The following SESN1 variants were observed in gnomAD, a reference collection of about 807,000 sequenced individuals.
The protein encoded by SESN1 is sestrin-1.
Under a neutral mutation model 59.3 loss-of-function variants are expected in SESN1, and 30 were observed. That is an observed-to-expected ratio of 0.51 (90% confidence interval 0.38 to 0.69). The LOEUF is 0.69. SESN1 is among the 30% of genes least tolerant of loss of function. The pLI is 0.00. For missense variants in SESN1, 566 were observed against 673.0 expected, an observed-to-expected ratio of 0.84 and a Z score of 1.76; for synonymous variants, 197 against 219.9, an observed-to-expected ratio of 0.90 and a Z score of 0.92.
chr6:109,077,215 A>G lies in SESN1; in HGVS notation c.279+16580T>C, dbSNP rs141676638. Among the ~76,000 whole-genome samples the G allele has an allele frequency of 2.5e-3, 377 of 152,354 alleles. 2 individuals are homozygous for G. Among genetic ancestry groups the G allele is most frequent in the African/African-American group, 8.4e-3 (350 of 41,586 alleles). On this transcript the variant is annotated intron_variant, in intron 1 of 9. Coordinates refer to ENST00000436639, the MANE Select transcript of SESN1 (RefSeq NM_014454.3). ...TGTACTGTATCACCCTACATTTCACATACTTTTTCCCCATTGATTTTGTTT... is the reference window on the plus strand; with the variant it reads ...TGTACTGTATCACCCTACATTTCACGTACTTTTTCCCCATTGATTTTGTTT...
chr6:109,092,002 T>C (rs1781323181), intron 1 of SESN1, among the ~76,000 whole-genome samples: 1 of 152,230 alleles, frequency 6.6e-6, no homozygotes, highest in Non-Finnish European at 1.5e-5. Context: ...CACAAAAGCA[T>C]GTGCTTATAA....
At chr6:109,064,720 A>AAGGG (rs1218787385) in intron 1 of SESN1, among the ~76,000 whole-genome samples, 2 of 73,780 alleles carry the variant, frequency 2.7e-5, no homozygotes, top group African/African-American at 5.6e-5. Flanking sequence ...TGAAGGAAGG[A>AAGGG]AGGGAGGGAG....
intron 2 of SESN1, 101 bp from the exon 3 acceptor site, chr6:109,001,589 T>C: frequency 1.9e-6 from 2 of 1,042,910 alleles, no homozygotes; most frequent in Non-Finnish European, 2.8e-6. Context: ...AGAAGCAGAT[T>C]AAATCTGGCT....
intron 1 of SESN1, among the ~76,000 whole-genome samples, chr6:109,064,035 T>G (rs1218805954): frequency 1.3e-5 from 2 of 152,228 alleles, no homozygotes; most frequent in Non-Finnish European, 2.9e-5. Context: ...TATACAATTT[T>G]GGATCTAAAG....
intron 1 of SESN1, among the ~76,000 whole-genome samples, chr6:109,090,194 C>T (rs942255727): frequency 1.2e-4 from 18 of 152,192 alleles, no homozygotes; most frequent in Non-Finnish European, 2.1e-4. Context: ...GCATAATGCT[C>T]ATTTTGCAGA....
In SESN1 at chr6:109,000,482, A is replaced by G. The variant is rs535865033; in HGVS notation, c.729+9T>C. On this transcript the variant is annotated intron_variant, in intron 4 of 9. Transcript: ENST00000436639. ...AATGACTCCCAAGATATATTACCCC[A>G]CTGCTTACCTCAATGTGTTCTTTGG... 1.3e-6 allele frequency: 2 copies of G among 1,520,726 alleles called. No homozygotes were observed. The highest frequency in any genetic ancestry group is 2.7e-5 in the South Asian group (2 of 72,870). The allele number at this position is 1,520,726 out of a possible 1,614,324, so 94.2% of individuals were successfully genotyped here. A position where few individuals can be genotyped will look rare whatever the true frequency, so the allele number is the denominator to read the frequency against.
intron 1 of SESN1, among the ~76,000 whole-genome samples, chr6:109,071,504 G>A (rs963766206): frequency 6.6e-6 from 1 of 151,946 alleles, no homozygotes; most frequent in Admixed American, 6.6e-5. Flanking sequence ...AGGCAGAATC[G>A]GGATATGGAC....
rs573710917 is a variant in SESN1 at position 109,053,778 on chromosome 6, G to A, written c.279+40017C>T. Among the ~76,000 whole-genome samples the A allele has an allele frequency of 1.2e-4, 18 of 152,240 alleles. No homozygotes were observed. The South Asian group carries it at 2.5e-3, about 21-fold the overall frequency. The stretch of plus-strand genomic sequence containing the variant: ...CTCATGAAACAAGAACTAGAAGGAC[G>A]AACACTCGCTCAGTTTTGAAAATAT... On this transcript the variant is annotated intron_variant, in intron 1 of 9. Coordinates refer to ENST00000436639, the MANE Select transcript of SESN1 (RefSeq NM_014454.3).
chr6:109,034,691 T>C (rs1450079265), intron 1 of SESN1, among the ~76,000 whole-genome samples: 1 of 152,190 alleles, frequency 6.6e-6, no homozygotes, highest in Admixed American at 6.5e-5. Context: ...GGAGTGTGCA[T>C]AGTGAATGTC....
intron 4 of SESN1, 90 bp from the exon 5 acceptor site, chr6:108,998,845 T>G: frequency 7.1e-7 from 1 of 1,399,558 alleles, no homozygotes; most frequent in Non-Finnish European, 9.6e-7. Context: ...ATTGAAAACA[T>G]GAGTCATCAT....
chr6:109,058,327 C>T (rs959970829), intron 1 of SESN1, among the ~76,000 whole-genome samples: 9 of 152,180 alleles, frequency 5.9e-5, no homozygotes, highest in Non-Finnish European at 1.0e-4. Context: ...AAATAATTAC[C>T]ATTGTGTTAC....
At chr6:109,006,420 GTATA>G (rs535757705) in intron 1 of SESN1, among the ~76,000 whole-genome samples, 74 of 151,746 alleles carry the variant, frequency 4.9e-4, no homozygotes, top group African/African-American at 1.5e-3. Flanking sequence ...TTTACATTAG[GTATA>G]TCTCCTAATG....
chr6:109,087,952 TGG>T (rs938979261), intron 1 of SESN1: 5 of 118,906 alleles, frequency 4.2e-5, no homozygotes, highest in African/African-American at 1.6e-4. Context: ...GTTCAAGTGA[TGG>T]GGGGGCAGGG....
At chr6:109,064,764 G>A (rs1655289018) in intron 1 of SESN1, among the ~76,000 whole-genome samples, 1 of 151,386 alleles carries the variant, frequency 6.6e-6, no homozygotes, top group Admixed American at 6.6e-5. Context: ...AGTATATGAA[G>A]TATAAACAAG....
intron 1 of SESN1, among the ~76,000 whole-genome samples, chr6:109,072,048 T>G (rs923618947): frequency 6.6e-6 from 1 of 152,232 alleles, no homozygotes; most frequent in Admixed American, 6.5e-5. Context: ...AATTTGAGAA[T>G]GCTTACATTG....
intron 8 of SESN1, among the ~76,000 whole-genome samples, chr6:108,989,600 GAGAT>G (rs753410036): frequency 6.6e-4 from 93 of 141,780 alleles, no homozygotes; most frequent in African/African-American, 2.2e-3. Context: ...GAGATAGAGA[GAGAT>G]AGATATCTCT....
chr6:109,015,770 A>G (rs1232260481), intron 1 of SESN1, among the ~76,000 whole-genome samples: 2 of 152,202 alleles, frequency 1.3e-5, no homozygotes, highest in African/African-American at 2.4e-5. Context: ...AAACTCAAAA[A>G]AGGCAACAAA....
intron 1 of SESN1, among the ~76,000 whole-genome samples, chr6:109,046,703 G>C (rs1190611706): frequency 2.4e-5 from 3 of 126,148 alleles, no homozygotes; most frequent in East Asian, 2.4e-4. Flanking sequence ...GCCGCCCATC[G>C]TCTGAGATGT....
At chr6:109,066,730 AT>A (rs1780832723) in intron 1 of SESN1, among the ~76,000 whole-genome samples, 1 of 152,214 alleles carries the variant, frequency 6.6e-6, no homozygotes, top group Admixed American at 6.5e-5. Context: ...AATGGATATT[AT>A]TTTTAAAAGA....
Sources: gnomAD v4.1 joint callset for allele counts (sites outside exome capture counted in the v4.1 genomes callset) on GRCh38, gnomAD v4.1.1 for gene constraint, MANE v1.5 for transcripts, NCBI Gene and HGNC (gene_info 2026-07-23, HGNC 2026-07-21) for gene names.